The following TRIM44 variants were observed in gnomAD, a reference collection of about 807,000 sequenced individuals.
TRIM44 encodes the protein tripartite motif-containing protein 44.
A neutral mutation model predicts 37.4 loss-of-function variants in TRIM44; 13 were observed. The ratio of observed to expected loss-of-function variants is 0.35; its 90% CI spans 0.23 to 0.55. The LOEUF is 0.55. TRIM44 is among the 20% of genes least tolerant of loss of function. TRIM44 has a pLI of 0.89. For missense variants in TRIM44, 426 were observed against 437.2 expected (o/e 0.97, Z 0.23); for synonymous variants, 175 against 157.2 (o/e 1.11, Z -0.85).
At position 35,814,044 on chromosome 11, in the gene TRIM44, C is replaced by T. The variant is rs1853555030; in HGVS notation, c.*7659C>T. ...TCAAATTCTGTTACAACAAATACTG[C>T]TACCATAAAAGTCACTTAAGCATCC... On this transcript the variant is annotated 3_prime_UTR_variant, in exon 5 of 5. Transcript: ENST00000299413. 1.3e-5 allele frequency: 2 copies of T among 152,204 alleles called. No homozygotes were observed. Among genetic ancestry groups the T allele is most frequent in the South Asian group, 4.1e-4 (2 of 4,830 alleles). 9.4% of individuals were successfully genotyped at this position (152,204 alleles called of 1,614,324 possible).
At chr11:35,712,199 G>A (rs1851983125) in intron 2 of TRIM44, among the ~76,000 whole-genome samples, 1 of 152,110 alleles carries the variant, frequency 6.6e-6, no homozygotes, top group African/African-American at 2.4e-5. Flanking sequence ...GTGTGTAGTT[G>A]TGTGTCCATA....
Position 35,809,849 on chromosome 11 carries a change from A to G in TRIM44, c.*3464A>G, listed in dbSNP as rs1044904287. The G allele has an allele frequency of 2.6e-5, 4 of 151,712 alleles. No homozygotes were observed. The highest frequency in any genetic ancestry group is 7.3e-5 in the African/African-American group (3 of 41,264). The allele number at this position is 151,712 out of a possible 1,614,324, so 9.4% of individuals were successfully genotyped here. A position where few individuals can be genotyped will look rare whatever the true frequency, so the allele number is the denominator to read the frequency against. ...CCTATATATAAAGGACAAGTGTGAT[A>G]TGTGTGTATATGTATATACATACAT... is the stretch of plus-strand genomic sequence containing the variant. On this transcript the variant is annotated 3_prime_UTR_variant, in exon 5 of 5. Coordinates refer to ENST00000299413, the MANE Select transcript of TRIM44 (RefSeq NM_017583.6).
intron 4 of TRIM44, among the ~76,000 whole-genome samples, chr11:35,795,844 A>G (rs1281563176): frequency 6.6e-6 from 1 of 152,210 alleles, no homozygotes. Flanking sequence ...GTTTCTTCAT[A>G]TGATGTTATT....
chr11:35,757,194 T>C (rs1475310737), intron 4 of TRIM44, among the ~76,000 whole-genome samples: 1 of 152,242 alleles, frequency 6.6e-6, no homozygotes, highest in Non-Finnish European at 1.5e-5. Flanking sequence ...GTTATTGGTC[T>C]ATTCAGAGAT....
In TRIM44 at chr11:35,710,426, A is replaced by C. The variant is rs922217668; in HGVS notation, c.748-15498A>C. 3.9e-5 allele frequency among the ~76,000 whole-genome samples: 6 copies of C among 152,330 alleles called. 1 individual carries two copies. Among genetic ancestry groups the C allele is most frequent in the Admixed American group, 3.9e-4 (6 of 15,298 alleles). On this transcript the variant is annotated intron_variant, in intron 2 of 4. Transcript: ENST00000299413. ...ATTCTTAGTTGAGACAAACCCTTTTAACAAAGACAGATTATCAAGAGAAAA... is the reference window on the plus strand; with the variant it reads ...ATTCTTAGTTGAGACAAACCCTTTTCACAAAGACAGATTATCAAGAGAAAA...
At chr11:35,765,676 G>C (rs549823714) in intron 4 of TRIM44, among the ~76,000 whole-genome samples, 1 of 152,158 alleles carries the variant, frequency 6.6e-6, no homozygotes, top group East Asian at 1.9e-4. Flanking sequence ...CAAAGCTTGG[G>C]TATAAAAGAA....
chr11:35,774,497 C>T (rs189338861), intron 4 of TRIM44, among the ~76,000 whole-genome samples: 4,796 of 152,240 alleles, frequency 0.032, 252 homozygotes, highest in African/African-American at 0.11. Flanking sequence ...TCAATTTTGG[C>T]TTTTGTTGCC....
At chr11:35,754,287 C>T (rs530985704) in intron 4 of TRIM44, among the ~76,000 whole-genome samples, 18 of 152,098 alleles carry the variant, frequency 1.2e-4, no homozygotes, top group Non-Finnish European at 2.2e-4. Context: ...GGAATCATCT[C>T]GGATTTCTTG....
At chr11:35,698,045 G>A (rs1030710083) in intron 2 of TRIM44, among the ~76,000 whole-genome samples, 4 of 151,566 alleles carry the variant, frequency 2.6e-5, no homozygotes, top group Middle Eastern at 3.4e-3. Context: ...TTCCACAGTG[G>A]TTGAACTAGT....
chr11:35,763,384 C>T (rs1033056931), intron 4 of TRIM44, among the ~76,000 whole-genome samples: 1 of 151,990 alleles, frequency 6.6e-6, no homozygotes, highest in Non-Finnish European at 1.5e-5. Context: ...AACAAGGATA[C>T]AGGGAAATGG....
intron 4 of TRIM44, among the ~76,000 whole-genome samples, chr11:35,760,250 C>CG (rs1852704552): frequency 9.2e-5 from 14 of 152,178 alleles, no homozygotes; most frequent in Admixed American, 4.6e-4. Flanking sequence ...GACTGCTGTG[C>CG]TAGCAATCAG....
At chr11:35,775,542 T>C (rs973076539) in intron 4 of TRIM44, among the ~76,000 whole-genome samples, 1 of 152,196 alleles carries the variant, frequency 6.6e-6, no homozygotes, top group Non-Finnish European at 1.5e-5. Flanking sequence ...ATCCCTGTCT[T>C]GTGCCAGTTT....
intron 4 of TRIM44, among the ~76,000 whole-genome samples, chr11:35,793,189 A>T (rs1853238391): frequency 6.7e-6 from 1 of 149,486 alleles, no homozygotes; most frequent in Non-Finnish European, 1.5e-5. Flanking sequence ...AAAGAAATCT[A>T]GCTGTGCGGC....
intron 1 of TRIM44, among the ~76,000 whole-genome samples, chr11:35,665,193 A>G (rs1442681760): frequency 6.6e-6 from 1 of 152,062 alleles, no homozygotes; most frequent in Non-Finnish European, 1.5e-5. Context: ...CAGTGTAAAT[A>G]TTCTTGGTCA....
At chr11:35,734,251 C>T (rs1339293466) in intron 3 of TRIM44, among the ~76,000 whole-genome samples, 1 of 152,084 alleles carries the variant, frequency 6.6e-6, no homozygotes, top group Non-Finnish European at 1.5e-5. Flanking sequence ...GATATATAGC[C>T]TTTATTAAAT....
At chr11:35,683,038 A>G (rs1321972438) in intron 1 of TRIM44, among the ~76,000 whole-genome samples, 3 of 152,148 alleles carry the variant, frequency 2.0e-5, no homozygotes, top group East Asian at 1.9e-4. Context: ...TGTTCAGCCA[A>G]TGAGAAGCAG....
intron 4 of TRIM44, among the ~76,000 whole-genome samples, chr11:35,785,618 T>C (rs1246803533): frequency 6.6e-6 from 1 of 152,240 alleles, no homozygotes; most frequent in Non-Finnish European, 1.5e-5. Context: ...AGTATCAGCC[T>C]GATTCTCCTT....
At chr11:35,763,961 G>A (rs1247524970) in intron 4 of TRIM44, among the ~76,000 whole-genome samples, 2 of 152,122 alleles carry the variant, frequency 1.3e-5, no homozygotes, top group African/African-American at 4.8e-5. Flanking sequence ...AGCATATTTT[G>A]CAGTATGATA....
chr11:35,800,948 T>C (rs540143516), intron 4 of TRIM44, among the ~76,000 whole-genome samples: 3 of 152,320 alleles, frequency 2.0e-5, no homozygotes, highest in African/African-American at 7.2e-5. Context: ...TTTCATCATG[T>C]TTTTCTCAGT....
Sources: allele counts gnomAD v4.1 joint callset (sites outside exome capture counted in the v4.1 genomes callset), GRCh38; gene constraint gnomAD v4.1.1; transcripts MANE v1.5; gene names NCBI Gene and HGNC (gene_info 2026-07-23, HGNC 2026-07-21).